The following DPY30 variants were observed in gnomAD, a reference collection of about 807,000 sequenced individuals.
The protein encoded by DPY30 is dpy-30 histone methyltransferase complex regulatory subunit, also known as protein dpy-30 homolog.
Under a neutral mutation model 16.2 loss-of-function variants are expected in DPY30, and 6 were observed. The ratio of observed to expected loss-of-function variants is 0.37; its 90% CI spans 0.20 to 0.73. DPY30 has a LOEUF of 0.73. DPY30 is among the 30% of genes least tolerant of loss of function. The pLI, the probability that DPY30 is intolerant of heterozygous loss-of-function variation, is 0.51. For synonymous variants in DPY30, 39 were observed against 38.8 expected (o/e 1.00, Z -0.02); for missense variants, 73 against 113.1 (o/e 0.65, Z 1.61).
At chr2:32,028,910 G>C (rs1467501553) in intron 4 of DPY30, among the ~76,000 whole-genome samples, 3 of 152,026 alleles carry the variant, frequency 2.0e-5, no homozygotes, top group Admixed American at 2.0e-4. Context: ...GTTGCAGTGA[G>C]CCAGGGTTGC....
intron 3 of DPY30, among the ~76,000 whole-genome samples, chr2:32,035,323 G>A (rs796628798): frequency 9.2e-5 from 14 of 151,890 alleles, no homozygotes; most frequent in Non-Finnish European, 1.6e-4. Flanking sequence ...AAAACATTTC[G>A]CCGGGCACGG....
At chr2:32,035,236 T>A (rs1675691408) in intron 3 of DPY30, among the ~76,000 whole-genome samples, 1 of 151,864 alleles carries the variant, frequency 6.6e-6, no homozygotes, top group Non-Finnish European at 1.5e-5. Flanking sequence ...TGAGCTACGA[T>A]CATGCCACTG....
intron 5 of DPY30, among the ~76,000 whole-genome samples, chr2:32,018,426 T>A (rs917866412): frequency 1.3e-5 from 2 of 152,092 alleles, no homozygotes; most frequent in Non-Finnish European, 2.9e-5. Context: ...AGAATATTTT[T>A]AAGTTTAAAA....
chr2:32,022,807 C>T (rs1675214946), downstream of DPY30, among the ~76,000 whole-genome samples: 1 of 152,096 alleles, frequency 6.6e-6, no homozygotes, highest in African/African-American at 2.4e-5. Flanking sequence ...TGAGCCACCG[C>T]ACCCGGCCAA....
intron 3 of DPY30, among the ~76,000 whole-genome samples, chr2:32,031,879 C>A (rs1431460220): frequency 6.7e-6 from 1 of 149,970 alleles, no homozygotes; most frequent in African/African-American, 2.5e-5. Flanking sequence ...GGTGACAGAG[C>A]GAGACTCTGT....
At chr2:32,012,494 G>A (rs1210368656) in intron 5 of DPY30, among the ~76,000 whole-genome samples, 17 of 129,750 alleles carry the variant, frequency 1.3e-4, no homozygotes, top group Non-Finnish European at 2.3e-4. Context: ...GCAGTGGCTC[G>A]ATCTGGGCTC....
intron 5 of DPY30, among the ~76,000 whole-genome samples, chr2:32,015,396 G>A (rs1675044844): frequency 6.6e-6 from 1 of 152,072 alleles, no homozygotes. Context: ...ATTAAATACT[G>A]TGTATCTGAA....
chr2:32,026,654 G>A (rs907415913), intron 4 of DPY30, among the ~76,000 whole-genome samples: 112 of 152,024 alleles, frequency 7.4e-4, no homozygotes, highest in African/African-American at 2.4e-3. Context: ...AGCCAGGCAC[G>A]ATGGCAGGCG....
chr2:32,029,660 C>A lies in DPY30; in HGVS notation c.161G>T (p.Arg54Leu), dbSNP rs1167103590. ...CACAACTGTCTGATCCAGGTAGGCACGAGTTGGCAAAGACTGGAGATCTAC... is the reference window on the plus strand; with the variant it reads ...CACAACTGTCTGATCCAGGTAGGCAAGAGTTGGCAAAGACTGGAGATCTAC... ...QKVDLQSLPT[R>L]AYLDQTVVPI... Residue 54 changes from arginine (R) to leucine (L), a missense_variant, in exon 4 of 5, where the codon CGT becomes CTT. Arg to Leu is a moderately radical substitution (Grantham distance 102). Around this residue, in one of 3 missense-constraint regions of DPY30, gnomAD observed 52 missense variants for 71.5 expected, o/e 0.73. Transcript: ENST00000342166. 6.2e-7 allele frequency: 1 copy of A among 1,613,890 alleles called. No individual in the cohort carries two copies. The highest frequency in any genetic ancestry group is 8.5e-7 in the Non-Finnish European group (1 of 1,179,972).
At chr2:32,030,494 G>A (rs1280703843) in intron 3 of DPY30, among the ~76,000 whole-genome samples, 2 of 152,034 alleles carry the variant, frequency 1.3e-5, no homozygotes, top group African/African-American at 4.8e-5. Flanking sequence ...CCCGGGCGTG[G>A]TGGCAGGCGC....
At chr2:32,033,150 A>G (rs1184505707) in intron 3 of DPY30, among the ~76,000 whole-genome samples, 1 of 150,962 alleles carries the variant, frequency 6.6e-6, no homozygotes, top group Non-Finnish European at 1.5e-5. Context: ...GCCTCTAAAA[A>G]TACAAAAATT....
At chr2:32,039,595 G>T in intron 1 of DPY30, 103 bp from the exon 2 acceptor site, 1 of 1,122,086 alleles carries the variant, frequency 8.9e-7, no homozygotes, top group Non-Finnish European at 1.3e-6. Flanking sequence ...ACCCCCACCT[G>T]GGCGCGGGAG....
At chr2:32,039,562 C>A (rs1573012191) in intron 1 of DPY30, 70 bp from the exon 2 acceptor site, 1 of 1,494,332 alleles carries the variant, frequency 6.7e-7, no homozygotes, top group Non-Finnish European at 9.1e-7. Flanking sequence ...TGGAGTGCAG[C>A]CCAGCCCCCG....
At chr2:32,033,623 G>C (rs931868681) in intron 3 of DPY30, among the ~76,000 whole-genome samples, 4 of 152,234 alleles carry the variant, frequency 2.6e-5, no homozygotes, top group African/African-American at 9.6e-5. Context: ...GGTGAGCCGA[G>C]ATCGCGCCAC....
At position 32,029,703 on chromosome 2, in the gene DPY30, T is replaced by C. The variant is rs766534113; in HGVS notation, c.118A>G (p.Lys40Glu). The C allele has an allele frequency of 3.1e-6, 5 of 1,614,132 alleles. No individual in the cohort carries two copies. Among genetic ancestry groups the C allele is most frequent in the Non-Finnish European group, 4.2e-6 (5 of 1,179,996 alleles). ...IVENEKINAE[K>E]SSKQKVDLQS... is the part of the protein sequence containing the mutation. ...AGATCTACCTTCTGCTTTGATGACTTTTCTGCATTAATCTTCTCATTTTCT... is the reference window on the plus strand; with the variant it reads ...AGATCTACCTTCTGCTTTGATGACTCTTCTGCATTAATCTTCTCATTTTCT... Residue 40 changes from lysine to glutamate, a missense_variant, in exon 4 of 5, where the codon AAG becomes GAG. Lys to Glu is a moderately conservative substitution (Grantham distance 56, BLOSUM62 1). Coordinates refer to ENST00000342166, the MANE Select transcript of DPY30 (RefSeq NM_001321209.2).
Position 32,035,325 on chromosome 2 carries a change from C to T in DPY30, c.84+3954G>A, listed in dbSNP as rs115627918. 3.7e-3 allele frequency among the ~76,000 whole-genome samples: 562 copies of T among 151,888 alleles called. 5 individuals are homozygous for T. The highest frequency in any genetic ancestry group is 0.013 in the African/African-American group (553 of 41,410). On this transcript the variant is annotated intron_variant, in intron 3 of 4. Transcript: ENST00000342166. Reference sequence around the variant, plus strand: ...AAATAAATAAACAAAAACATTTCGCCGGGCACGGTGGCTCACACTTGTAAT... The same window carrying T: ...AAATAAATAAACAAAAACATTTCGCTGGGCACGGTGGCTCACACTTGTAAT...
At chr2:32,016,934 G>C (rs1051385273) in intron 5 of DPY30, among the ~76,000 whole-genome samples, 1 of 152,084 alleles carries the variant, frequency 6.6e-6, no homozygotes, top group Non-Finnish European at 1.5e-5. Context: ...CCAGGCTGGA[G>C]TGCAATGGCG....
intron 5 of DPY30, among the ~76,000 whole-genome samples, chr2:32,014,884 A>C (rs1365274973): frequency 6.6e-6 from 1 of 152,178 alleles, no homozygotes; most frequent in Non-Finnish European, 1.5e-5. Flanking sequence ...AGAATGTATA[A>C]AGTATGCTTC....
downstream of DPY30, chr2:32,023,572 A>C: frequency 1.7e-6 from 1 of 577,768 alleles, no homozygotes; most frequent in Non-Finnish European, 3.1e-6. Context: ...GTAGGAATGC[A>C]ATAAATTACA....
Sources: allele counts gnomAD v4.1 joint callset (sites outside exome capture counted in the v4.1 genomes callset), GRCh38; gene constraint gnomAD v4.1.1; regional missense constraint gnomAD v4.1.1; transcripts MANE v1.5; gene names NCBI Gene and HGNC (gene_info 2026-07-23, HGNC 2026-07-21).